COA1: variants seen among roughly 807,000 people sequenced by gnomAD.
COA1 encodes the protein cytochrome c oxidase assembly factor 1 homolog.
A neutral mutation model predicts 16.0 loss-of-function variants in COA1; 13 were observed. That is an observed-to-expected ratio of 0.81 (90% CI 0.53 to 1.29). COA1 has a LOEUF of 1.29. Among genes scored for constraint, COA1 ranks in the 50% most tolerant of loss-of-function variants. The pLI, the probability that COA1 is intolerant of heterozygous loss-of-function variation, is 0.00. For missense variants in COA1, 179 were observed against 177.0 expected (o/e 1.01, Z -0.06); for synonymous variants, 65 against 65.7 (o/e 0.99, Z 0.05).
intron 1 of COA1, among the ~76,000 whole-genome samples, chr7:43,702,028 ATC>A (rs988149896): frequency 7.9e-5 from 12 of 151,930 alleles, no homozygotes; most frequent in Admixed American, 2.6e-4. Context: ...TCTGTAGGGT[ATC>A]TGTTTACTCT....
chr7:43,707,703 G>T (rs1408174088), intron 1 of COA1, among the ~76,000 whole-genome samples: 1 of 152,078 alleles, frequency 6.6e-6, no homozygotes, highest in Non-Finnish European at 1.5e-5. Flanking sequence ...AATTGAGTTT[G>T]TTCATTTTCA....
chr7:43,667,019 G>C (rs541532994), intron 1 of COA1, among the ~76,000 whole-genome samples: 18 of 152,256 alleles, frequency 1.2e-4, no homozygotes, highest in African/African-American at 3.4e-4. Context: ...CAGTCAAATT[G>C]GTTATGATTA....
At chr7:43,645,688 T>C (rs17440162) in intron 3 of COA1, 40,995 of 276,276 alleles carry the variant, frequency 0.15, 3,928 homozygotes, top group Non-Finnish European at 0.2. Context: ...TGCCTTATTT[T>C]GACACCTAAG....
exon 7 of COA1, chr7:43,608,458 A>T: frequency 6.5e-6 from 10 of 1,543,974 alleles, no homozygotes; most frequent in Non-Finnish European, 7.9e-6. Flanking sequence ...GACATAAAAT[A>T]TTTAACAGTG....
At chr7:43,722,563 C>T (rs972684022) in intron 1 of COA1, among the ~76,000 whole-genome samples, 1 of 152,036 alleles carries the variant, frequency 6.6e-6, no homozygotes, top group Non-Finnish European at 1.5e-5. Context: ...CCATCACGCC[C>T]AGCTAATTTT....
intron 1 of COA1, among the ~76,000 whole-genome samples, chr7:43,709,326 T>C (rs2095126156): frequency 2.0e-5 from 3 of 152,044 alleles, no homozygotes; most frequent in African/African-American, 7.2e-5. Flanking sequence ...ATGCCCGGCC[T>C]ATCTCCTATA....
chr7:43,653,275 G>A (rs145394447), intron 1 of COA1, among the ~76,000 whole-genome samples: 5 of 151,798 alleles, frequency 3.3e-5, no homozygotes, highest in African/African-American at 9.6e-5. Context: ...TTGCGCCACT[G>A]CACTCCAGCC....
chr7:43,690,196 A>C (rs1402266668), intron 1 of COA1, among the ~76,000 whole-genome samples: 1 of 152,198 alleles, frequency 6.6e-6, no homozygotes, highest in African/African-American at 2.4e-5. Flanking sequence ...CAGTGTGAAG[A>C]TTCCTTAAAG....
chr7:43,635,496 G>C (rs1170712741), downstream of COA1, among the ~76,000 whole-genome samples: 4 of 152,126 alleles, frequency 2.6e-5, no homozygotes. Context: ...ACCAATCTTA[G>C]GGACGAAGGC....
intron 1 of COA1, among the ~76,000 whole-genome samples, chr7:43,696,645 T>C (rs1002394480): frequency 1.3e-5 from 2 of 152,144 alleles, no homozygotes; most frequent in African/African-American, 4.8e-5. Context: ...ATGGTGTGTG[T>C]GTAGGCTACA....
intron 2 of COA1, 121 bp downstream of exon 2, chr7:43,648,479 G>T: frequency 9.7e-7 from 1 of 1,033,600 alleles, no homozygotes; most frequent in Non-Finnish European, 1.5e-6. Context: ...TAAAGCACAA[G>T]TGAACCCTAA....
intron 1 of COA1, among the ~76,000 whole-genome samples, chr7:43,714,044 A>G (rs1261760904): frequency 6.6e-6 from 1 of 152,106 alleles, no homozygotes; most frequent in Non-Finnish European, 1.5e-5. Flanking sequence ...GCAGGAAAAA[A>G]AAATTAGCCA....
At chr7:43,681,796 C>A (rs1238260129) in intron 1 of COA1, among the ~76,000 whole-genome samples, 1 of 152,152 alleles carries the variant, frequency 6.6e-6, no homozygotes, top group Non-Finnish European at 1.5e-5. Flanking sequence ...ATTCCTACAT[C>A]AACAGGAACA....
chr7:43,635,365 A>G (rs2085695457), downstream of COA1, among the ~76,000 whole-genome samples: 1 of 152,190 alleles, frequency 6.6e-6, no homozygotes, highest in Admixed American at 6.5e-5. Flanking sequence ...AAGCTGGGGT[A>G]ACAAATAGCC....
intron 1 of COA1, among the ~76,000 whole-genome samples, chr7:43,704,808 G>T (rs1186301219): frequency 6.6e-6 from 1 of 152,088 alleles, no homozygotes; most frequent in African/African-American, 2.4e-5. Flanking sequence ...TGTCATTTCA[G>T]TCTTTTCAGC....
chr7:43,618,663 G>C (rs966916484), intron 6 of COA1, among the ~76,000 whole-genome samples: 1 of 152,136 alleles, frequency 6.6e-6, no homozygotes, highest in Non-Finnish European at 1.5e-5. Flanking sequence ...TTACATTCTA[G>C]TCCATAATAT....
chr7:43,621,844 ACT>A (rs999377770), intron 6 of COA1, among the ~76,000 whole-genome samples: 24 of 147,284 alleles, frequency 1.6e-4, no homozygotes, highest in African/African-American at 6.0e-4. Context: ...AAACAAAGGG[ACT>A]CTCCTCTTTT....
chr7:43,613,327 T>G (rs1156659413), intron 6 of COA1, among the ~76,000 whole-genome samples: 1 of 152,140 alleles, frequency 6.6e-6, no homozygotes, highest in Non-Finnish European at 1.5e-5. Context: ...ATGTGTGGTA[T>G]TATAATAGCT....
intron 1 of COA1, among the ~76,000 whole-genome samples, chr7:43,680,733 C>T (rs1310644048): frequency 6.6e-6 from 1 of 152,166 alleles, no homozygotes; most frequent in African/African-American, 2.4e-5. Context: ...CTGTGAGGGG[C>T]AGAGGCAGGA....
Sources: allele counts gnomAD v4.1 joint callset (sites outside exome capture counted in the v4.1 genomes callset), GRCh38; gene constraint gnomAD v4.1.1; transcripts MANE v1.5; gene names NCBI Gene and HGNC (gene_info 2026-07-23, HGNC 2026-07-21).